The following MMP16 variants were observed in gnomAD, a reference collection of about 807,000 sequenced individuals.
The protein encoded by MMP16 is matrix metallopeptidase 16, also known as matrix metalloproteinase-16.
In MMP16, 12 loss-of-function variants were observed where a neutral mutation model predicts 67.8. That is an observed-to-expected ratio of 0.18 (90% CI 0.11 to 0.29). MMP16 has a LOEUF of 0.29. Ranked by LOEUF, MMP16 falls within the 10% of genes least tolerant of loss-of-function variation. The pLI, the probability that MMP16 is intolerant of heterozygous loss-of-function variation, is 1.00. For missense variants in MMP16, 475 were observed against 765.7 expected (o/e 0.62, Z 4.48); for synonymous variants, 249 against 255.9 (o/e 0.97, Z 0.26).
At chr8:88,288,247 G>A (rs901829049) in intron 1 of MMP16, among the ~76,000 whole-genome samples, 1 of 152,184 alleles carries the variant, frequency 6.6e-6, no homozygotes, top group African/African-American at 2.4e-5. Flanking sequence ...CTTGAGCAAT[G>A]TACAATGAGC....
Position 88,327,134 on chromosome 8 carries a change from T to C in MMP16, c.73A>G (p.Thr25Ala), listed in dbSNP as rs757088495. Residue 25 changes from threonine (T) to alanine (A), a missense_variant, in exon 1 of 10, where the codon ACC becomes GCC. Physicochemically the swap from Thr to Ala is moderately conservative, Grantham distance 58. Transcript: ENST00000286614. ...VHHSGVFFLQ[T>A]LLWILCATVC... ...GTAGCACATAAAATCCAAAGCAAGG[T>C]TTGCAAGAAAAACACCCCCGAATGA... The C allele has an allele frequency of 3.7e-6, 6 of 1,613,588 alleles. No individual in the cohort carries two copies. The Admixed American group carries it at 1.0e-4, about 27-fold the overall frequency.
intron 1 of MMP16, among the ~76,000 whole-genome samples, chr8:88,239,150 G>A (rs1809992913): frequency 6.6e-6 from 1 of 151,574 alleles, no homozygotes; most frequent in Non-Finnish European, 1.5e-5. Context: ...GTGATTACAA[G>A]CAGGCGTGGT....
rs1808008129 is a variant in MMP16, at chr8:88,033,210, A to G, written c.*8251T>C. 6.6e-6 allele frequency: 1 copy of G among 151,686 alleles called. No individual in the cohort carries two copies. Among genetic ancestry groups the G allele is most frequent in the South Asian group, 2.1e-4 (1 of 4,822 alleles). 9.4% of individuals were successfully genotyped at this position (151,686 alleles called of 1,614,324 possible). ...AATCTCATTCTGACTCTGAATGATA[A>G]ATGTCTGTGCATTTTTTAAATATAT... On this transcript the variant is annotated 3_prime_UTR_variant, in exon 10 of 10. Coordinates refer to ENST00000286614, the MANE Select transcript of MMP16 (RefSeq NM_005941.5).
intron 2 of MMP16, among the ~76,000 whole-genome samples, chr8:88,187,457 G>C (rs1809093532): frequency 6.6e-6 from 1 of 152,088 alleles, no homozygotes; most frequent in South Asian, 2.1e-4. Flanking sequence ...AAGTGACTTT[G>C]CTGTTTATTA....
intron 3 of MMP16, among the ~76,000 whole-genome samples, chr8:88,177,633 A>C (rs552656462): frequency 6.6e-6 from 1 of 152,336 alleles, no homozygotes; most frequent in African/African-American, 2.4e-5. Context: ...TAATGCCATG[A>C]GTATTCTATT....
intron 1 of MMP16, among the ~76,000 whole-genome samples, chr8:88,290,190 A>G (rs1278700492): frequency 6.6e-6 from 1 of 152,186 alleles, no homozygotes; most frequent in Non-Finnish European, 1.5e-5. Context: ...CATATTATGG[A>G]TAAGTTCATG....
At chr8:88,170,857 T>C (rs1046781302) in intron 3 of MMP16, among the ~76,000 whole-genome samples, 2 of 151,988 alleles carry the variant, frequency 1.3e-5, no homozygotes, top group African/African-American at 2.4e-5. Flanking sequence ...AAATGGATGA[T>C]GGGACAAAAA....
intron 7 of MMP16, among the ~76,000 whole-genome samples, chr8:88,066,593 G>T (rs940860569): frequency 6.6e-6 from 1 of 152,022 alleles, no homozygotes. Flanking sequence ...CCAAATGGCT[G>T]ACTTTCAGTA....
At chr8:88,284,831 T>C (rs1640501849) in intron 1 of MMP16, among the ~76,000 whole-genome samples, 1 of 150,854 alleles carries the variant, frequency 6.6e-6, no homozygotes, top group Admixed American at 6.6e-5. Context: ...CCTTCTTCTC[T>C]ATGCCTTTTT....
intron 6 of MMP16, among the ~76,000 whole-genome samples, chr8:88,103,493 C>G (rs1809180292): frequency 6.6e-6 from 1 of 151,808 alleles, no homozygotes; most frequent in African/African-American, 2.4e-5. Flanking sequence ...TTGTCATAGA[C>G]TCCTTTGCAA....
intron 1 of MMP16, among the ~76,000 whole-genome samples, chr8:88,259,610 A>T (rs899402594): frequency 6.6e-6 from 1 of 152,132 alleles, no homozygotes; most frequent in Non-Finnish European, 1.5e-5. Context: ...TAAAAATAAA[A>T]AAAAGAAAGG....
At chr8:88,300,422 C>A (rs28986486) in intron 1 of MMP16, among the ~76,000 whole-genome samples, 1 of 152,182 alleles carries the variant, frequency 6.6e-6, no homozygotes, top group African/African-American at 2.4e-5. Flanking sequence ...CTCACGCCAT[C>A]CCACTCCATC....
intron 1 of MMP16, among the ~76,000 whole-genome samples, chr8:88,325,913 CATTT>C (rs1305616038): frequency 1.3e-5 from 2 of 152,120 alleles, no homozygotes; most frequent in Non-Finnish European, 2.9e-5. Flanking sequence ...TTACACATGG[CATTT>C]ATTATGCACA....
intron 1 of MMP16, among the ~76,000 whole-genome samples, chr8:88,314,398 T>C (rs1811346023): frequency 3.3e-5 from 5 of 152,228 alleles, no homozygotes; most frequent in Admixed American, 1.3e-4. Flanking sequence ...TGCTTTGTCG[T>C]ATGCCTGACA....
At chr8:88,272,403 C>T (rs1454088293) in intron 1 of MMP16, among the ~76,000 whole-genome samples, 1 of 151,956 alleles carries the variant, frequency 6.6e-6, no homozygotes, top group Non-Finnish European at 1.5e-5. Flanking sequence ...TAACAGAATC[C>T]AGTAAACAGC....
In MMP16 at chr8:88,040,954, T is replaced by C. The variant is rs1192919807; in HGVS notation, c.*507A>G. 1 of 152,876 alleles carries C rather than the reference T, an allele frequency of 6.5e-6. No individual in the cohort carries two copies. The highest frequency in any genetic ancestry group is 1.5e-5 in the Non-Finnish European group (1 of 68,326). The allele number at this position is 152,876 out of a possible 1,614,324, so 9.5% of individuals were successfully genotyped here. A position where few individuals can be genotyped will look rare whatever the true frequency, so the allele number is the denominator to read the frequency against. On this transcript the variant is annotated 3_prime_UTR_variant, in exon 10 of 10. Coordinates refer to ENST00000286614, the MANE Select transcript of MMP16 (RefSeq NM_005941.5). Reference sequence around the variant, plus strand: ...AAAGCTGTTTTGGGTCTTCACACTTTCCTGGAAGTTCAATTGTGGGTTTTT... The same window carrying C: ...AAAGCTGTTTTGGGTCTTCACACTTCCCTGGAAGTTCAATTGTGGGTTTTT...
At chr8:88,250,235 T>G (rs573614057) in intron 1 of MMP16, among the ~76,000 whole-genome samples, 6 of 152,126 alleles carry the variant, frequency 3.9e-5, no homozygotes, top group African/African-American at 1.4e-4. Context: ...CCAGAAATCA[T>G]AAACACTTAA....
chr8:88,116,174 T>A (rs1006599182), intron 6 of MMP16, among the ~76,000 whole-genome samples: 1 of 152,050 alleles, frequency 6.6e-6, no homozygotes, highest in African/African-American at 2.4e-5. Context: ...TGGAAGTGCC[T>A]AAGCTCCCAA....
At chr8:88,050,271 C>T (rs988480654) in intron 8 of MMP16, among the ~76,000 whole-genome samples, 3 of 151,180 alleles carry the variant, frequency 2.0e-5, no homozygotes, top group Non-Finnish European at 3.0e-5. Flanking sequence ...TGCAGCGAGC[C>T]GAGATAGTGC....
Sources: allele counts gnomAD v4.1 joint callset (sites outside exome capture counted in the v4.1 genomes callset), GRCh38; gene constraint gnomAD v4.1.1; transcripts MANE v1.5; gene names NCBI Gene and HGNC (gene_info 2026-07-23, HGNC 2026-07-21).